TRMT44: variants seen among roughly 807,000 people sequenced by gnomAD.
TRMT44 encodes probable tRNA (uracil-O(2)-)-methyltransferase.
Under a neutral mutation model 77.3 loss-of-function variants are expected in TRMT44, and 78 were observed. The ratio of observed to expected loss-of-function variants is 1.01; its 90% confidence interval spans 0.84 to 1.22. TRMT44 has a LOEUF of 1.22. TRMT44 is among the 50% of genes most tolerant of loss of function. TRMT44 has a pLI of 0.00. For synonymous variants in TRMT44, 391 were observed against 383.3 expected, an observed-to-expected ratio of 1.02 and a Z score of -0.23; for missense variants, 1,090 against 964.4, an observed-to-expected ratio of 1.13 and a Z score of -1.73.
intron 8 of TRMT44, among the ~76,000 whole-genome samples, chr4:8,467,086 C>T (rs1036992959): frequency 4.6e-5 from 7 of 152,218 alleles, no homozygotes; most frequent in African/African-American, 1.4e-4. Flanking sequence ...GGGCACCCTC[C>T]ATCGGGGTGT....
At chr4:8,455,961 T>C (rs923604764) in intron 6 of TRMT44, among the ~76,000 whole-genome samples, 1 of 152,222 alleles carries the variant, frequency 6.6e-6, no homozygotes, top group Non-Finnish European at 1.5e-5. Context: ...AGATATGTCC[T>C]GAATGCATTA....
chr4:8,479,580 T>C (rs757966366), downstream of TRMT44: 29 of 152,190 alleles, frequency 1.9e-4, 1 homozygote, highest in African/African-American at 6.3e-4. Context: ...GAAAATATGA[T>C]GTAAAAGAGA....
intron 6 of TRMT44, among the ~76,000 whole-genome samples, chr4:8,459,983 C>T (rs756860024): frequency 2.0e-5 from 3 of 152,050 alleles, no homozygotes; most frequent in East Asian, 1.9e-4. Flanking sequence ...ATCAAGACAC[C>T]CGGGGGTCTG....
intron 10 of TRMT44, among the ~76,000 whole-genome samples, chr4:8,472,985 T>TG (rs911856998): frequency 6.6e-5 from 10 of 152,136 alleles, no homozygotes; most frequent in Admixed American, 2.0e-4. Flanking sequence ...CAGGTCACCC[T>TG]GGGGGGGCAA....
In TRMT44 at chr4:8,492,671, A is replaced by G. The variant is rs567073146; in HGVS notation, n.3892-595A>G. ...TTAAAAAGCTACATACCTCCCTCAC[A>G]AGGAAATTCCTTGTGGACAAATGAC... On this transcript the variant is annotated intron_variant and non_coding_transcript_variant, in intron 2 of 2. Transcript: ENST00000511366. Among the ~76,000 whole-genome samples the G allele has an allele frequency of 2.0e-4, 31 of 152,336 alleles. No individual in the cohort carries two copies. The South Asian group carries it at 5.8e-3, about 29-fold the overall frequency.
intron 9 of TRMT44, chr4:8,468,666 T>G: frequency 3.7e-6 from 2 of 540,402 alleles, no homozygotes; most frequent in Non-Finnish European, 6.5e-6. Context: ...AACAGGTTAC[T>G]GAGTGCAAGC....
At position 8,476,071 on chromosome 4, in the gene TRMT44, G is replaced by C; in HGVS notation, c.*70G>C. On this transcript the variant is annotated 3_prime_UTR_variant, in exon 11 of 11. Transcript: ENST00000389737. ...AGGAGAGCTTCCCCAGCAGTCGTCA[G>C]TGCTGTGGTCTCTGCTCTGGCTGTG... 2 of 1,432,410 alleles carry C rather than the reference G, an allele frequency of 1.4e-6. No homozygotes were observed. Among genetic ancestry groups the C allele is most frequent in the Non-Finnish European group, 1.9e-6 (2 of 1,034,008 alleles). The allele number at this position is 1,432,410 out of a possible 1,614,324, so 88.7% of individuals were successfully genotyped here.
At position 8,482,118 on chromosome 4, in the gene TRMT44, G is replaced by A. The variant is rs536841276; in HGVS notation, n.3891+2585G>A. ...TTTCTTGGGGCTCATCTTGTTTTTC[G>A]CCAGTTGCCTCTTCTCTTGCCCCTT... On this transcript the variant is annotated intron_variant and non_coding_transcript_variant, in intron 2 of 2. Coordinates refer to the TRMT44 transcript ENST00000511366. 4.1e-4 allele frequency among the ~76,000 whole-genome samples: 62 copies of A among 152,174 alleles called. 2 individuals carry two copies. Among genetic ancestry groups the A allele is most frequent in the African/African-American group, 1.4e-3 (57 of 41,510 alleles).
chr4:8,501,193 G>A, the TRMT44 span, among the ~76,000 whole-genome samples: 1 of 152,240 alleles, frequency 6.6e-6, no homozygotes, highest in Non-Finnish European at 1.5e-5. This position sits in a 1 kb window ranked among gnomAD's most constrained non-coding sequence, Gnocchi z 4.4. Context: ...TGACAGCAGA[G>A]GTGATGGCTT....
intron 1 of TRMT44, among the ~76,000 whole-genome samples, chr4:8,443,754 T>C (rs955385652): frequency 6.6e-6 from 1 of 152,152 alleles, no homozygotes; most frequent in Non-Finnish European, 1.5e-5. Flanking sequence ...AATGTGACTG[T>C]TCGAGACCAG....
At chr4:8,467,169 T>A (rs1028063264) in intron 8 of TRMT44, among the ~76,000 whole-genome samples, 2 of 152,208 alleles carry the variant, frequency 1.3e-5, no homozygotes, top group Admixed American at 6.5e-5. Context: ...CCGTATGCAC[T>A]CGCTGGCTCT....
At chr4:8,448,093 G>A (rs1354486817) in intron 2 of TRMT44, among the ~76,000 whole-genome samples, 1 of 152,098 alleles carries the variant, frequency 6.6e-6, no homozygotes, top group Non-Finnish European at 1.5e-5. Flanking sequence ...CTGAGGACGT[G>A]GCTGCTGCCC....
chr4:8,471,685 C>T (rs1461158152), intron 10 of TRMT44, among the ~76,000 whole-genome samples: 2 of 152,248 alleles, frequency 1.3e-5, no homozygotes, highest in Admixed American at 6.5e-5. Flanking sequence ...CCTGGGCAGG[C>T]GGAGGTCCTG....
intron 2 of TRMT44, among the ~76,000 whole-genome samples, chr4:8,488,032 G>C (rs1727870954): frequency 6.6e-6 from 1 of 152,216 alleles, no homozygotes; most frequent in African/African-American, 2.4e-5. Context: ...AGAGATTGAA[G>C]TGTGGTGCCA....
chr4:8,462,158 C>T (rs1726196443), intron 6 of TRMT44, among the ~76,000 whole-genome samples: 1 of 152,226 alleles, frequency 6.6e-6, no homozygotes, highest in South Asian at 2.1e-4. Context: ...CGCCTGTAAT[C>T]CCAGCACTTT....
At chr4:8,486,315 G>C (rs1299659484) in intron 2 of TRMT44, among the ~76,000 whole-genome samples, 1 of 152,202 alleles carries the variant, frequency 6.6e-6, no homozygotes, top group East Asian at 1.9e-4. Context: ...GTTCTTGTGT[G>C]CTGGAGATGT....
At chr4:8,500,499 AAAAT>A in the TRMT44 span, among the ~76,000 whole-genome samples, 5 of 151,996 alleles carry the variant, frequency 3.3e-5, no homozygotes, top group African/African-American at 7.3e-5. Context: ...CCCTCTGGAA[AAAAT>A]AAATAAATAA....
chr4:8,477,658 C>G (rs1727459924), downstream of TRMT44: 1 of 152,950 alleles, frequency 6.5e-6, no homozygotes, highest in Admixed American at 6.5e-5. Context: ...TTCCCCAGCC[C>G]CTGTGTTAGG....
downstream of TRMT44, among the ~76,000 whole-genome samples, chr4:8,494,927 A>C (rs1728108456): frequency 6.6e-6 from 1 of 152,118 alleles, no homozygotes; most frequent in Non-Finnish European, 1.5e-5. Context: ...GCACCGTCGT[A>C]GGTGTGTTCT....
Sources: gnomAD v4.1 joint callset for allele counts (sites outside exome capture counted in the v4.1 genomes callset) on GRCh38, gnomAD v4.1.1 for gene constraint, Gnocchi (gnomAD v3.1) non-coding constraint, MANE v1.5 for transcripts, NCBI Gene and HGNC (gene_info 2026-07-23, HGNC 2026-07-21) for gene names.